Variants in NT5C3A observed in about 807,000 individuals in gnomAD.
The protein encoded by NT5C3A is 5'-nucleotidase, cytosolic IIIA.
NT5C3A carries 23 observed loss-of-function variants against 40.0 expected under a neutral mutation model. The observed-to-expected ratio is 0.58, with a 90% CI of 0.41 to 0.81. The LOEUF (loss-of-function observed/expected upper bound fraction) is 0.81, where lower values mean the gene tolerates loss of function less well. Among genes scored for constraint, NT5C3A ranks in the 40% least tolerant of loss-of-function variants. The pLI, the probability that NT5C3A is intolerant of heterozygous loss-of-function variation, is 0.00. For missense variants in NT5C3A, 328 were observed against 403.0 expected (o/e 0.81, Z 1.59); for synonymous variants, 130 against 141.4 (o/e 0.92, Z 0.57).
intron 3 of NT5C3A, among the ~76,000 whole-genome samples, chr7:33,023,451 G>T (rs113110256): frequency 0.053 from 8,094 of 152,042 alleles, 260 homozygotes; most frequent in East Asian, 0.16. Context: ...TAGAGACAGG[G>T]TTTCATCATT....
At chr7:33,018,562 G>C (rs1785461643) in intron 6 of NT5C3A, among the ~76,000 whole-genome samples, 1 of 152,124 alleles carries the variant, frequency 6.6e-6, no homozygotes, top group South Asian at 2.1e-4. Flanking sequence ...TATTAAACAG[G>C]CTCTTGGGCC....
intron 1 of NT5C3A, among the ~76,000 whole-genome samples, chr7:33,041,731 T>C (rs75136221): frequency 5.9e-5 from 9 of 152,020 alleles, no homozygotes; most frequent in African/African-American, 2.2e-4. Flanking sequence ...CCAACTGTCA[T>C]GAAGAAAAAA....
intron 1 of NT5C3A, among the ~76,000 whole-genome samples, chr7:33,032,109 A>G (rs1009025133): frequency 3.3e-5 from 5 of 150,240 alleles, no homozygotes; most frequent in African/African-American, 1.2e-4. Flanking sequence ...CAAGTGACAG[A>G]GCGAGACTCT....
At chr7:33,038,894 T>C (rs1032005211) in intron 1 of NT5C3A, 14 of 456,372 alleles carry the variant, frequency 3.1e-5, no homozygotes, top group Admixed American at 2.4e-4. Flanking sequence ...AGAAGACGTG[T>C]TCAAAAATAG....
intron 1 of NT5C3A, among the ~76,000 whole-genome samples, chr7:33,058,784 C>G (rs1349323038): frequency 1.3e-5 from 2 of 152,208 alleles, no homozygotes; most frequent in Non-Finnish European, 2.9e-5. Flanking sequence ...ATTTGCTTTT[C>G]ACTACTCCTC....
intron 1 of NT5C3A, among the ~76,000 whole-genome samples, chr7:33,054,006 T>C (rs1210668323): frequency 6.6e-6 from 1 of 152,186 alleles, no homozygotes; most frequent in Non-Finnish European, 1.5e-5. Context: ...TACAAACATT[T>C]CCACGTTTAC....
chr7:33,056,767 T>C (rs561751058), intron 1 of NT5C3A, among the ~76,000 whole-genome samples: 1 of 152,172 alleles, frequency 6.6e-6, no homozygotes, highest in Admixed American at 6.5e-5. Context: ...GACTCAATAG[T>C]GGGCTTTCGA....
chr7:33,033,976 C>T (rs796096158), intron 1 of NT5C3A, among the ~76,000 whole-genome samples: 4 of 150,742 alleles, frequency 2.7e-5, no homozygotes, highest in African/African-American at 9.8e-5. Context: ...CTGCAAGCTC[C>T]GCCTCCTGGG....
intron 1 of NT5C3A, chr7:33,035,884 G>A (rs781773229): frequency 7.1e-7 from 1 of 1,410,812 alleles, no homozygotes; most frequent in South Asian, 1.2e-5. Context: ...AGGTAAAAGT[G>A]GTGAAGATTT....
At chr7:33,042,407 C>T (rs1786966533) in intron 1 of NT5C3A, among the ~76,000 whole-genome samples, 1 of 151,946 alleles carries the variant, frequency 6.6e-6, no homozygotes, top group Non-Finnish European at 1.5e-5. Context: ...AACGTGAAAC[C>T]TTTGACACTG....
intron 1 of NT5C3A, among the ~76,000 whole-genome samples, chr7:33,032,004 A>G: frequency 7.1e-6 from 1 of 141,506 alleles, no homozygotes; most frequent in South Asian, 2.2e-4. Context: ...ACATGCCTGT[A>G]ATCCCAGCTA....
At chr7:33,033,966 C>T (rs1239560165) in intron 1 of NT5C3A, among the ~76,000 whole-genome samples, 1 of 150,370 alleles carries the variant, frequency 6.7e-6, no homozygotes, top group Non-Finnish European at 1.5e-5. Flanking sequence ...TCTCAGCTCA[C>T]TGCAAGCTCC....
intron 1 of NT5C3A, among the ~76,000 whole-genome samples, chr7:33,051,345 G>A (rs1316982352): frequency 3.3e-5 from 5 of 151,934 alleles, no homozygotes. Context: ...TGTATTTTTA[G>A]TATAGATGGG....
At chr7:33,020,402 C>T (rs569393709) in intron 5 of NT5C3A, among the ~76,000 whole-genome samples, 3 of 152,332 alleles carry the variant, frequency 2.0e-5, no homozygotes, top group African/African-American at 7.2e-5. Context: ...TGTCAGTAAG[C>T]TCATTCTCCC....
At chr7:33,056,391 C>T (rs1787569350) in intron 1 of NT5C3A, among the ~76,000 whole-genome samples, 1 of 143,858 alleles carries the variant, frequency 7.0e-6, no homozygotes, top group South Asian at 2.2e-4. Context: ...AATCCCAGCA[C>T]TTTGGGCAGC....
rs949008277 is a variant in NT5C3A, at chr7:33,061,159, G to GT, written c.138+1408dup. The stretch of plus-strand genomic sequence containing the variant: ...ACAGGCAGGGAGATATGGCAACTCG[G>GT]TTTTTTCCCCTACATAGGCATTATT... On this transcript the variant is annotated intron_variant, in intron 1 of 8. Coordinates refer to ENST00000610140, the MANE Select transcript of NT5C3A (RefSeq NM_001002010.5). Among the ~76,000 whole-genome samples the GT allele has an allele frequency of 1.1e-3, 172 of 152,258 alleles. 2 individuals carry two copies. Among genetic ancestry groups the GT allele is most frequent in the African/African-American group, 4.0e-3 (167 of 41,556 alleles).
At chr7:33,047,402 T>C (rs1251736905) in intron 1 of NT5C3A, among the ~76,000 whole-genome samples, 1 of 152,172 alleles carries the variant, frequency 6.6e-6, no homozygotes, top group African/African-American at 2.4e-5. Context: ...ATAAACAAAA[T>C]TATTTTGAGA....
intron 2 of NT5C3A, among the ~76,000 whole-genome samples, chr7:33,025,294 CA>C (rs1351601573): frequency 1.3e-5 from 2 of 152,142 alleles, no homozygotes; most frequent in Admixed American, 6.5e-5. Flanking sequence ...GCAGTGGAAG[CA>C]ATTCAACTAT....
At chr7:33,038,632 A>T (rs1266799861) in intron 1 of NT5C3A, among the ~76,000 whole-genome samples, 1 of 152,090 alleles carries the variant, frequency 6.6e-6, no homozygotes, top group East Asian at 1.9e-4. Flanking sequence ...AATCTCACAT[A>T]AAGTGATACT....
Sources: gnomAD v4.1 joint callset for allele counts (sites outside exome capture counted in the v4.1 genomes callset) on GRCh38, gnomAD v4.1.1 for gene constraint, MANE v1.5 for transcripts, NCBI Gene and HGNC (gene_info 2026-07-23, HGNC 2026-07-21) for gene names.